The following ATP2A2 variants were observed in gnomAD, a reference collection of about 807,000 sequenced individuals.
ATP2A2 encodes the protein ATPase sarcoplasmic/endoplasmic reticulum Ca2+ transporting 2.
Under a neutral mutation model 109.3 loss-of-function variants are expected in ATP2A2, and 14 were observed. That is an observed-to-expected ratio of 0.13 (90% CI 0.08 to 0.20). The LOEUF (loss-of-function observed/expected upper bound fraction) is 0.20. ATP2A2 is among the 10% of genes least tolerant of loss of function. The pLI, the probability that ATP2A2 is intolerant of heterozygous loss-of-function variation, is 1.00. For synonymous variants in ATP2A2, 506 were observed against 490.9 expected (o/e 1.03, Z -0.41); for missense variants, 657 against 1,321.6 (o/e 0.50, Z 7.80).
chr12:110,326,352 C>G, intron 6 of ATP2A2, 38 bp from the exon 7 acceptor site: 1 of 1,560,596 alleles, frequency 6.4e-7, no homozygotes, highest in Non-Finnish European at 8.8e-7. Context: ...TGGTGTGGGT[C>G]GCAGAGATCT....
intron 5 of ATP2A2, among the ~76,000 whole-genome samples, chr12:110,317,648 G>A (rs1876811847): frequency 6.6e-6 from 1 of 152,196 alleles, no homozygotes; most frequent in East Asian, 1.9e-4. Context: ...AAAGTGCTGG[G>A]ATTACAGGTG....
chr12:110,324,126 G>A (rs1445505291), intron 6 of ATP2A2, among the ~76,000 whole-genome samples: 1 of 152,156 alleles, frequency 6.6e-6, no homozygotes, highest in Non-Finnish European at 1.5e-5. Context: ...TTTGTCAGAA[G>A]AATTAACTTT....
At chr12:110,291,239 T>C (rs547777668) in intron 3 of ATP2A2, among the ~76,000 whole-genome samples, 1 of 151,746 alleles carries the variant, frequency 6.6e-6, no homozygotes, top group Non-Finnish European at 1.5e-5. Context: ...AGTCTTGCTC[T>C]GTTGCCCAGG....
At chr12:110,323,130 A>ACTC in intron 6 of ATP2A2, 58 bp downstream of exon 6, 7 of 1,339,760 alleles carry the variant, frequency 5.2e-6, no homozygotes, top group African/African-American at 1.4e-5. Flanking sequence ...TTCCATGCCA[A>ACTC]TAGAGTTGGC....
chr12:110,334,769 C>T (rs186282803), intron 11 of ATP2A2, among the ~76,000 whole-genome samples: 3 of 151,890 alleles, frequency 2.0e-5, no homozygotes, highest in Non-Finnish European at 4.4e-5. Flanking sequence ...TTGTATTTTT[C>T]GTAGAAAGGG....
chr12:110,349,004 CCTG>C lies in ATP2A2; in HGVS notation c.*2538_*2540del. On this transcript the variant is annotated 3_prime_UTR_variant, in exon 20 of 20. Transcript: ENST00000539276. ...ACAAAAAAAGTTGAGTAGTGTGTGG[CCTG>C]CTGTCGCACAGCCCCTAGTTAGCTT... 1 of 985,472 alleles carries C rather than the reference CCTG, an allele frequency of 1.0e-6. No homozygotes were observed. Among genetic ancestry groups the C allele is most frequent in the Non-Finnish European group, 1.2e-6 (1 of 829,972 alleles). 61.0% of individuals were successfully genotyped at this position (985,472 alleles called of 1,614,324 possible).
rs957799800 is a variant in ATP2A2, at chr12:110,342,844, C to T, written c.2319-388C>T. Among the ~76,000 whole-genome samples, 2 of 152,298 alleles carry T rather than the reference C, an allele frequency of 1.3e-5. No individual in the cohort carries two copies. Among genetic ancestry groups the T allele is most frequent in the Admixed American group, 1.3e-4 (2 of 15,296 alleles). Reference sequence around the variant, plus strand: ...GATCTCAGCTCACTGTCCCCTCCACCTCCTGGGTTCAAGCCTCCCGAACAG... The same window carrying T: ...GATCTCAGCTCACTGTCCCCTCCACTTCCTGGGTTCAAGCCTCCCGAACAG... On this transcript the variant is annotated intron_variant, in intron 15 of 19. Transcript: ENST00000539276. The surrounding 1 kb of genome is among the most constrained non-coding windows in gnomAD (Gnocchi z 4.6).
At chr12:110,314,336 G>GAAAAAAAAAAA (rs398055936) in intron 5 of ATP2A2, among the ~76,000 whole-genome samples, 2 of 122,540 alleles carry the variant, frequency 1.6e-5, no homozygotes, top group Non-Finnish European at 1.8e-5. Context: ...CTCAAAAAAA[G>GAAAAAAAAAAA]AAAAAAAAAA....
intron 11 of ATP2A2, among the ~76,000 whole-genome samples, chr12:110,335,973 C>A (rs182553461): frequency 6.6e-6 from 1 of 152,320 alleles, no homozygotes; most frequent in East Asian, 1.9e-4. Context: ...AGAGTGAATA[C>A]CCTCTATCTG....
At chr12:110,287,228 G>T (rs1173200268) in intron 3 of ATP2A2, among the ~76,000 whole-genome samples, 1 of 152,130 alleles carries the variant, frequency 6.6e-6, no homozygotes, top group African/African-American at 2.4e-5. Context: ...ACTCCAGCCT[G>T]AGTGACAAAG....
Position 110,281,717 on chromosome 12 carries a change from C to A in ATP2A2, c.-73C>A, listed in dbSNP as rs1872105024. ...CTGGGCTCCCGGGGTGGCACGAGCC[C>A]GCGGCCGGAGTGCGAGGCGGAGGCG... is the stretch of plus-strand genomic sequence containing the variant. On this transcript the variant is annotated 5_prime_UTR_variant, in exon 1 of 20. Transcript: ENST00000539276. 5 of 1,125,266 alleles carry A rather than the reference C, an allele frequency of 4.4e-6. No homozygotes were observed. 69.7% of individuals were successfully genotyped at this position (1,125,266 alleles called of 1,614,324 possible).
intron 5 of ATP2A2, among the ~76,000 whole-genome samples, chr12:110,303,026 G>A (rs1874850824): frequency 6.6e-6 from 1 of 152,144 alleles, no homozygotes; most frequent in South Asian, 2.1e-4. Flanking sequence ...ATGTATGTGG[G>A]CATTTTATTA....
Position 110,349,588 on chromosome 12 carries a change from A to G in ATP2A2, c.*3118A>G. 1 of 986,556 alleles carries G rather than the reference A, an allele frequency of 1.0e-6. No homozygotes were observed. Among genetic ancestry groups the G allele is most frequent in the South Asian group, 4.7e-5 (1 of 21,330 alleles). 61.1% of individuals were successfully genotyped at this position (986,556 alleles called of 1,614,324 possible). A position where few individuals can be genotyped will look rare whatever the true frequency, so the allele number is the denominator to read the frequency against. On this transcript the variant is annotated 3_prime_UTR_variant, in exon 20 of 20. Transcript: ENST00000539276. ...GACTTCCCTCACAACAGCTGCTCCCACATCCCCTCGGACTGGAGCTTCAGC... is the reference window on the plus strand; with the variant it reads ...GACTTCCCTCACAACAGCTGCTCCCGCATCCCCTCGGACTGGAGCTTCAGC...
intron 4 of ATP2A2, chr12:110,295,946 T>C (rs540803583): frequency 1.3e-5 from 2 of 153,100 alleles, no homozygotes; most frequent in South Asian, 4.1e-4. Flanking sequence ...ATGTTACATA[T>C]GACTTCTTAT....
chr12:110,285,343 C>A (rs751750867), intron 3 of ATP2A2, among the ~76,000 whole-genome samples: 2 of 152,064 alleles, frequency 1.3e-5, no homozygotes, highest in Non-Finnish European at 2.9e-5. Flanking sequence ...ACACTGAAGA[C>A]CCCCCCTCTA....
intron 3 of ATP2A2, among the ~76,000 whole-genome samples, chr12:110,285,891 C>T (rs1022045460): frequency 6.7e-6 from 1 of 149,766 alleles, no homozygotes; most frequent in African/African-American, 2.5e-5. Context: ...TCTTTTCTTC[C>T]TACTAGACCC....
intron 8 of ATP2A2, among the ~76,000 whole-genome samples, chr12:110,328,934 G>A (rs377548332): frequency 2.2e-4 from 34 of 152,296 alleles, no homozygotes; most frequent in African/African-American, 8.2e-4. Flanking sequence ...AGAGAAAGCT[G>A]CTAGTTAACC....
intron 7 of ATP2A2, 32 bp downstream of exon 7, chr12:110,326,507 C>T: frequency 1.3e-6 from 2 of 1,545,964 alleles, no homozygotes; most frequent in Non-Finnish European, 1.8e-6. Context: ...TTTTTATTTA[C>T]AGACATTTCC....
At chr12:110,322,254 G>A (rs201325366) in intron 5 of ATP2A2, among the ~76,000 whole-genome samples, 3 of 152,140 alleles carry the variant, frequency 2.0e-5, no homozygotes, top group East Asian at 1.9e-4. Flanking sequence ...CATGTTATAC[G>A]AGCATATCAA....
Sources: gnomAD v4.1 joint callset for allele counts (sites outside exome capture counted in the v4.1 genomes callset) on GRCh38, gnomAD v4.1.1 for gene constraint, Gnocchi (gnomAD v3.1) non-coding constraint, MANE v1.5 for transcripts, NCBI Gene and HGNC (gene_info 2026-07-23, HGNC 2026-07-21) for gene names.